Variants in ZFAT observed in about 807,000 individuals in gnomAD.
The protein encoded by ZFAT is zinc finger protein ZFAT.
ZFAT carries 64 observed loss-of-function variants against 117.7 expected under a neutral mutation model. That is an observed-to-expected ratio of 0.54 (90% CI 0.44 to 0.67). The LOEUF (loss-of-function observed/expected upper bound fraction) is 0.67, where lower values mean the gene tolerates loss of function less well. ZFAT is among the 30% of genes least tolerant of loss of function. The pLI, the probability that ZFAT is intolerant of heterozygous loss-of-function variation, is 0.00. For missense variants in ZFAT, 1,433 were observed against 1,584.5 expected (o/e 0.90, Z 1.62); for synonymous variants, 679 against 615.0 (o/e 1.10, Z -1.54).
intron 9 of ZFAT, among the ~76,000 whole-genome samples, 166 bp downstream of exon 9, chr8:134,588,080 G>T (rs1377704578): frequency 6.6e-6 from 1 of 152,192 alleles, no homozygotes; most frequent in Admixed American, 6.5e-5. Context: ...TTAAGTAATG[G>T]TTTAAATTAC....
intron 14 of ZFAT, 40 bp from the exon 15 acceptor site, chr8:134,509,789 T>C (rs770692000): frequency 1.3e-6 from 2 of 1,556,194 alleles, no homozygotes; most frequent in Non-Finnish European, 8.7e-7. Context: ...TTCAGGCCAC[T>C]GGTGCTGAAG....
At chr8:134,568,859 C>G (rs568562541) in intron 10 of ZFAT, among the ~76,000 whole-genome samples, 1 of 152,240 alleles carries the variant, frequency 6.6e-6, no homozygotes, top group South Asian at 2.1e-4. Context: ...CATAAAAGAG[C>G]AATACTTTGA....
At chr8:134,762,641 T>C in the ZFAT span, among the ~76,000 whole-genome samples, 3 of 152,364 alleles carry the variant, frequency 2.0e-5, no homozygotes, top group East Asian at 5.8e-4. Context: ...CATCTGTATC[T>C]TCACTTACAA....
chr8:134,754,073 T>C, the ZFAT span, among the ~76,000 whole-genome samples: 2 of 152,170 alleles, frequency 1.3e-5, no homozygotes, highest in African/African-American at 4.8e-5. Flanking sequence ...ATTTGTTTTA[T>C]AATGAAGCCC....
intron 1 of ZFAT, among the ~76,000 whole-genome samples, chr8:134,679,307 A>C (rs1832954471): frequency 6.6e-6 from 1 of 152,274 alleles, no homozygotes; most frequent in Non-Finnish European, 1.5e-5. Flanking sequence ...TCAAAAGAAG[A>C]CATTCATGCA....
intron 7 of ZFAT, among the ~76,000 whole-genome samples, chr8:134,594,637 G>A (rs1321573325): frequency 6.6e-6 from 1 of 152,162 alleles, no homozygotes; most frequent in Non-Finnish European, 1.5e-5. Flanking sequence ...GGATTAGAAG[G>A]ATGAATTACT....
intron 3 of ZFAT, among the ~76,000 whole-genome samples, chr8:134,621,098 T>A (rs965089595): frequency 6.6e-6 from 1 of 151,438 alleles, no homozygotes; most frequent in African/African-American, 2.4e-5. Context: ...GAAAACAGAA[T>A]GTAATTTTAG....
chr8:134,716,956 A>G (rs1043870235), upstream of ZFAT, among the ~76,000 whole-genome samples: 1 of 152,292 alleles, frequency 6.6e-6, no homozygotes, highest in Non-Finnish European at 1.5e-5. Context: ...ACTAAGAGTA[A>G]GTCAAAGACT....
the ZFAT span, among the ~76,000 whole-genome samples, chr8:134,824,374 G>C: frequency 2.6e-5 from 4 of 152,174 alleles, no homozygotes; most frequent in African/African-American, 9.7e-5. Context: ...AAAATAGCAA[G>C]GATTTAAGCA....
the ZFAT span, among the ~76,000 whole-genome samples, chr8:134,724,614 G>T: frequency 6.6e-6 from 1 of 151,910 alleles, no homozygotes; most frequent in South Asian, 2.1e-4. Context: ...CTGGTAGGTG[G>T]CCAACTGGTC....
At chr8:134,714,778 G>C (rs532250656), upstream of ZFAT, among the ~76,000 whole-genome samples, 3 of 152,086 alleles carry the variant, frequency 2.0e-5, no homozygotes, top group South Asian at 6.2e-4. Flanking sequence ...GAAGAGCCAG[G>C]TGTGGATCTC....
At chr8:134,553,708 C>A (rs112876194) in intron 11 of ZFAT, among the ~76,000 whole-genome samples, 3 of 152,332 alleles carry the variant, frequency 2.0e-5, no homozygotes, top group African/African-American at 7.2e-5. Flanking sequence ...ACAGAACTAA[C>A]ATTTGAGAAC....
At chr8:134,783,695 T>TAA in the ZFAT span, 1 of 152,220 alleles carries the variant, frequency 6.6e-6, no homozygotes, top group Non-Finnish European at 1.5e-5. Context: ...TCAGAAAAGT[T>TAA]ACGTTGACAA....
At chr8:134,609,831 G>C (rs932514836) in intron 4 of ZFAT, among the ~76,000 whole-genome samples, 1 of 152,068 alleles carries the variant, frequency 6.6e-6, no homozygotes, top group African/African-American at 2.4e-5. Flanking sequence ...GAAATTTCTA[G>C]TATTATATTT....
rs192503114 is a variant in ZFAT at position 134,531,015 on chromosome 8, T to C, written c.3115+1819A>G. On this transcript the variant is annotated intron_variant, in intron 12 of 15. Transcript: ENST00000377838. Reference sequence around the variant, plus strand: ...ATGCCTAGGAACAACTGTGAATATATATCTGTGTGTGTCTGTGTGTGTATC... The same window carrying C: ...ATGCCTAGGAACAACTGTGAATATACATCTGTGTGTGTCTGTGTGTGTATC... 1.1e-3 allele frequency among the ~76,000 whole-genome samples: 170 copies of C among 152,294 alleles called. 1 individual carries two copies. The highest frequency in any genetic ancestry group is 3.4e-3 in the Middle Eastern group (1 of 294).
intron 7 of ZFAT, chr8:134,599,298 T>A (rs925926268): frequency 6.4e-6 from 1 of 156,620 alleles, no homozygotes; most frequent in Non-Finnish European, 1.4e-5. Flanking sequence ...ACTGTACATA[T>A]GTGTGTGTGT....
At chr8:134,751,716 T>C in the ZFAT span, among the ~76,000 whole-genome samples, 2 of 152,118 alleles carry the variant, frequency 1.3e-5, no homozygotes, top group Admixed American at 1.3e-4. Flanking sequence ...TGAGATAGAC[T>C]GGGCTGCCTG....
intron 2 of ZFAT, among the ~76,000 whole-genome samples, chr8:134,649,764 G>A (rs1392561183): frequency 6.6e-6 from 1 of 152,188 alleles, no homozygotes; most frequent in Non-Finnish European, 1.5e-5. Context: ...GTTTAAAATT[G>A]TTAAGATGGC....
the ZFAT span, among the ~76,000 whole-genome samples, chr8:134,760,092 C>A: frequency 6.7e-6 from 1 of 150,292 alleles, no homozygotes; most frequent in East Asian, 2.0e-4. Context: ...CACGGTGAAA[C>A]CCCGTCTCTA....
Sources: gnomAD v4.1 joint callset for allele counts (sites outside exome capture counted in the v4.1 genomes callset) on GRCh38, gnomAD v4.1.1 for gene constraint, MANE v1.5 for transcripts, NCBI Gene and HGNC (gene_info 2026-07-23, HGNC 2026-07-21) for gene names.